The following CCL11 variants were observed in gnomAD, a reference collection of about 807,000 sequenced individuals.
CCL11 encodes C-C motif chemokine ligand 11.
A neutral mutation model predicts 7.3 loss-of-function variants in CCL11; 7 were observed. The observed-to-expected ratio is 0.96, with a 90% CI of 0.55 to 1.81. CCL11 has a LOEUF of 1.81. Ranked by LOEUF, CCL11 falls within the 40% of genes most tolerant of loss-of-function variation. CCL11 has a pLI of 0.00. For synonymous variants in CCL11, 66 were observed against 45.2 expected (o/e 1.46, Z -1.84); for missense variants, 132 against 114.2 (o/e 1.16, Z -0.71).
At chr17:34,285,971 A>C in intron 1 of CCL11, 87 bp downstream of exon 1, 1 of 868,148 alleles carries the variant, frequency 1.2e-6, no homozygotes, top group East Asian at 2.7e-5. Flanking sequence ...ACTCACTGCA[A>C]ATTCTCCATT....
At chr17:34,287,562 A>C in intron 2 of CCL11, 23 bp from the exon 3 acceptor site, 1 of 1,557,210 alleles carries the variant, frequency 6.4e-7, no homozygotes, top group Non-Finnish European at 8.9e-7. Context: ...AATCCTTCCA[A>C]TTGCATCCTG....
At chr17:34,286,661 T>C (rs930416895) in intron 1 of CCL11, among the ~76,000 whole-genome samples, 1 of 152,176 alleles carries the variant, frequency 6.6e-6, no homozygotes, top group African/African-American at 2.4e-5. Context: ...GGCTCAAAAA[T>C]GACACCCATC....
In CCL11 at chr17:34,287,134, A is replaced by G; in HGVS notation, c.115A>G (p.Arg39Gly). The stretch of plus-strand genomic sequence containing the variant: ...CACCTGCTGCTTTAACCTGGCCAAT[A>G]GGAAGATACCCCTTCAGCGACTAGA... Reference protein sequence around the residue: ...PTTCCFNLANRKIPLQRLESY... With the variant: ...PTTCCFNLANGKIPLQRLESY... Residue 39 changes from arginine (R) to glycine (G), a missense_variant, in exon 2 of 3, where the codon AGG (arginine) becomes GGG (glycine). Physicochemically the swap from Arg to Gly is moderately radical, Grantham distance 125. Transcript: ENST00000305869. The G allele has an allele frequency of 6.2e-7, 1 of 1,613,978 alleles. No homozygotes were observed. Among genetic ancestry groups the G allele is most frequent in the South Asian group, 1.1e-5 (1 of 91,076 alleles).
Position 34,287,989 on chromosome 17 carries a change from T to G in CCL11, c.*299T>G. The G allele has an allele frequency of 6.1e-6, 1 of 165,126 alleles. No individual in the cohort carries two copies. The highest frequency in any genetic ancestry group is 1.3e-5 in the Non-Finnish European group (1 of 77,090). The allele number at this position is 165,126 out of a possible 1,614,324, so 10.2% of individuals were successfully genotyped here. A position where few individuals can be genotyped will look rare whatever the true frequency, so the allele number is the denominator to read the frequency against. On this transcript the variant is annotated 3_prime_UTR_variant, in exon 3 of 3. Transcript: ENST00000305869. The stretch of plus-strand genomic sequence containing the variant: ...TGGGCAATGTTCCCCCTCTCCTCTC[T>G]TCCTCCCTGGAATCTTGTAAAGGTC...
At position 34,287,224 on chromosome 17, in the gene CCL11, C is replaced by G; in HGVS notation, c.188+17C>G. 1.9e-6 allele frequency: 3 copies of G among 1,557,432 alleles called. No homozygotes were observed. The South Asian group carries it at 3.3e-5, about 17-fold the overall frequency. On this transcript the variant is annotated intron_variant, in intron 2 of 2. Coordinates refer to ENST00000305869, the MANE Select transcript of CCL11 (RefSeq NM_002986.3). ...AGCTGTGATGTAAGTAAATAAAGTT[C>G]ACCCTCCCCTAGACAAAAAAATAAT...
chr17:34,287,464 C>T (rs1908669121), intron 2 of CCL11, 121 bp from the exon 3 acceptor site: 1 of 721,682 alleles, frequency 1.4e-6, no homozygotes, highest in Non-Finnish European at 2.4e-6. Context: ...CCAAGAGTCT[C>T]ATCCTTCCTC....
chr17:34,286,989 T>G (rs1324792870), intron 1 of CCL11, 107 bp from the exon 2 acceptor site: 7 of 747,116 alleles, frequency 9.4e-6, no homozygotes, highest in Non-Finnish European at 1.6e-5. Context: ...CCTCTCGCAA[T>G]TCCTTGCTTT....
chr17:34,287,804 T>TTA lies in CCL11; in HGVS notation c.*126_*127dup, dbSNP rs200454183. On this transcript the variant is annotated 3_prime_UTR_variant, in exon 3 of 3. Transcript: ENST00000305869. ...ATCAGTCCAAAGGGCATGGGTTTTA[T>TTA]TATATATATATATTTTTTTTTTTAA... The TTA allele has an allele frequency of 4.7e-3, 1,754 of 372,944 alleles. 24 individuals carry two copies. The highest frequency in any genetic ancestry group is 0.033 in the African/African-American group (1,116 of 34,148). 23.1% of individuals were successfully genotyped at this position (372,944 alleles called of 1,614,324 possible). A position where few individuals can be genotyped will look rare whatever the true frequency, so the allele number is the denominator to read the frequency against.
intron 1 of CCL11, among the ~76,000 whole-genome samples, chr17:34,286,827 A>G (rs1000320152): frequency 6.6e-6 from 1 of 152,228 alleles, no homozygotes; most frequent in Non-Finnish European, 1.5e-5. Flanking sequence ...AGGTCTTTAT[A>G]ATGACAGAGC....
rs1488770682 is a variant in CCL11 at position 34,287,986 on chromosome 17, C to G, written c.*296C>G. On this transcript the variant is annotated 3_prime_UTR_variant, in exon 3 of 3. Transcript: ENST00000305869. Reference sequence around the variant, plus strand: ...GTGTGGGCAATGTTCCCCCTCTCCTCTCTTCCTCCCTGGAATCTTGTAAAG... The same window carrying G: ...GTGTGGGCAATGTTCCCCCTCTCCTGTCTTCCTCCCTGGAATCTTGTAAAG... The G allele has an allele frequency of 6.0e-6, 1 of 167,226 alleles. No homozygotes were observed. The highest frequency in any genetic ancestry group is 1.3e-5 in the Non-Finnish European group (1 of 78,458). 10.4% of individuals were successfully genotyped at this position (167,226 alleles called of 1,614,324 possible).
In CCL11 at chr17:34,285,894, C is replaced by CCA; in HGVS notation, c.76+11_76+12dup. The CCA allele has an allele frequency of 1.3e-6, 2 of 1,598,926 alleles. No homozygotes were observed. Among genetic ancestry groups the CCA allele is most frequent in the Non-Finnish European group, 1.7e-6 (2 of 1,170,560 alleles). ...GGGCTCGCTGGGCCAGGTAAGCCCC[C>CCA]CAACTCCTTACAGGAAAGGTAAGGT... On this transcript the variant is annotated intron_variant, in intron 1 of 2. Transcript: ENST00000305869.
Position 34,287,675 on chromosome 17 carries a change from A to C in CCL11, c.279A>C (p.Pro93=). The change falls in exon 3 of 3, where the codon CCA becomes CCC. Residue 93 remains proline (P), a synonymous_variant. Transcript: ENST00000305869. ...DSMKYLDQKS[P]TPKP ...TGAAGTATCTGGACCAAAAATCTCC[A>C]ACTCCAAAGCCATAAATAATCACCA... is the stretch of plus-strand genomic sequence containing the variant. The C allele has an allele frequency of 6.2e-7, 1 of 1,612,058 alleles. No individual in the cohort carries two copies. The highest frequency in any genetic ancestry group is 8.5e-7 in the Non-Finnish European group (1 of 1,178,230).
chr17:34,285,931 G>A, intron 1 of CCL11, 47 bp downstream of exon 1: 6 of 1,271,820 alleles, frequency 4.7e-6, no homozygotes, highest in Non-Finnish European at 6.7e-6. Flanking sequence ...ACCACCTCCA[G>A]AGCTACTAGG....
Position 34,287,825 on chromosome 17 carries a change from TTTAA to T in CCL11, c.*136_*139del, listed in dbSNP as rs367665833. 5.2e-3 allele frequency: 1,455 copies of T among 280,660 alleles called. 27 individuals are homozygous for T. Among genetic ancestry groups the T allele is most frequent in the African/African-American group, 0.037 (1,311 of 35,352 alleles). The allele number at this position is 280,660 out of a possible 1,614,324, so 17.4% of individuals were successfully genotyped here. ...TTTATTATATATATATATTTTTTTTTTTAAAAAAAAAACGTATTGCATTTAATTT... is the reference window on the plus strand; with the variant it reads ...TTTATTATATATATATATTTTTTTTTAAAAAAAACGTATTGCATTTAATTT... On this transcript the variant is annotated 3_prime_UTR_variant, in exon 3 of 3. Coordinates refer to ENST00000305869, the MANE Select transcript of CCL11 (RefSeq NM_002986.3).
chr17:34,287,891 T>A lies in CCL11; in HGVS notation c.*201T>A, dbSNP rs201817342. ...AAAACTTATCCTCCATGAATATCAGTTATTTTTAAACTGTAAAGCTTTGTG... is the reference window on the plus strand; with the variant it reads ...AAAACTTATCCTCCATGAATATCAGATATTTTTAAACTGTAAAGCTTTGTG... On this transcript the variant is annotated 3_prime_UTR_variant, in exon 3 of 3. Coordinates refer to ENST00000305869, the MANE Select transcript of CCL11 (RefSeq NM_002986.3). 5.3e-5 allele frequency: 13 copies of A among 247,318 alleles called. No homozygotes were observed. Among genetic ancestry groups the A allele is most frequent in the Non-Finnish European group, 8.9e-5 (12 of 134,728 alleles). 15.3% of individuals were successfully genotyped at this position (247,318 alleles called of 1,614,324 possible).
chr17:34,287,317 C>A, intron 2 of CCL11, 110 bp downstream of exon 2: 1 of 771,336 alleles, frequency 1.3e-6, no homozygotes, highest in Non-Finnish European at 2.2e-6. Flanking sequence ...AGTTTGACCT[C>A]TATGGTCCAA....
rs201481266 is a variant in CCL11, at chr17:34,287,816, A to T, written c.*126A>T. ...GGCATGGGTTTTATTATATATATATATTTTTTTTTTTAAAAAAAAAACGTA... is the reference window on the plus strand; with the variant it reads ...GGCATGGGTTTTATTATATATATATTTTTTTTTTTTTAAAAAAAAAACGTA... On this transcript the variant is annotated 3_prime_UTR_variant, in exon 3 of 3. Transcript: ENST00000305869. 858 of 298,828 alleles carry T rather than the reference A, an allele frequency of 2.9e-3. 5 individuals are homozygous for T. The highest frequency in any genetic ancestry group is 7.1e-3 in the Middle Eastern group (8 of 1,128). The allele number at this position is 298,828 out of a possible 1,614,324, so 18.5% of individuals were successfully genotyped here. A position where few individuals can be genotyped will look rare whatever the true frequency, so the allele number is the denominator to read the frequency against.
In CCL11 at chr17:34,285,797, T is replaced by C. The variant is rs535119850; in HGVS notation, c.-12T>C. The C allele has an allele frequency of 7.5e-6, 12 of 1,609,286 alleles. No individual in the cohort carries two copies. The Admixed American group carries it at 1.9e-4, about 25-fold the overall frequency. Reference sequence around the variant, plus strand: ...ACCTCTCACGCCAAAGCTCACACCTTCAGCCTCCAACATGAAGGTCTCCGC... The same window carrying C: ...ACCTCTCACGCCAAAGCTCACACCTCCAGCCTCCAACATGAAGGTCTCCGC... On this transcript the variant is annotated 5_prime_UTR_variant, in exon 1 of 3. Transcript: ENST00000305869.
chr17:34,286,033 A>G, intron 1 of CCL11, 149 bp downstream of exon 1: 1 of 599,646 alleles, frequency 1.7e-6, no homozygotes, highest in East Asian at 3.0e-5. Context: ...CCTCAACCTC[A>G]CATCCAGTCA....
Sources: gnomAD v4.1 joint callset for allele counts (sites outside exome capture counted in the v4.1 genomes callset) on GRCh38, gnomAD v4.1.1 for gene constraint, MANE v1.5 for transcripts, NCBI Gene and HGNC (gene_info 2026-07-23, HGNC 2026-07-21) for gene names.